The following FHIT variants were observed in gnomAD, a reference collection of about 807,000 sequenced individuals.
FHIT encodes bis(5'-adenosyl)-triphosphatase.
FHIT carries 19 observed loss-of-function variants against 17.9 expected under a neutral mutation model. The observed-to-expected ratio is 1.06, with a 90% confidence interval of 0.74 to 1.56. The LOEUF (loss-of-function observed/expected upper bound fraction) is 1.56, where lower values mean the gene tolerates loss of function less well. FHIT is among the 40% of genes most tolerant of loss of function. FHIT has a pLI of 0.00. For synonymous variants in FHIT, 81 were observed against 69.7 expected, an observed-to-expected ratio of 1.16 and a Z score of -0.81; for missense variants, 248 against 189.2, an observed-to-expected ratio of 1.31 and a Z score of -1.82.
At chr3:60,193,920 T>C (rs1323714130) in intron 5 of FHIT, among the ~76,000 whole-genome samples, 1 of 152,120 alleles carries the variant, frequency 6.6e-6, no homozygotes, top group African/African-American at 2.4e-5. Context: ...CGCTTTCCAA[T>C]CTAAAGAACT....
At chr3:60,955,251 T>A (rs1431762460) in intron 3 of FHIT, among the ~76,000 whole-genome samples, 1 of 152,112 alleles carries the variant, frequency 6.6e-6, no homozygotes, top group Non-Finnish European at 1.5e-5. Flanking sequence ...TACGGCCACA[T>A]GCAACCACAG....
intron 5 of FHIT, among the ~76,000 whole-genome samples, chr3:60,484,828 C>T (rs558575368): frequency 3.3e-5 from 5 of 152,202 alleles, no homozygotes; most frequent in African/African-American, 1.2e-4. Context: ...AACTAAAGAG[C>T]TTCTGTACAG....
chr3:60,557,220 C>G (rs553083099), intron 4 of FHIT, among the ~76,000 whole-genome samples: 2 of 152,110 alleles, frequency 1.3e-5, no homozygotes, highest in African/African-American at 4.8e-5. Flanking sequence ...CAAGTACACA[C>G]GGAAGCAAGT....
chr3:60,546,024 T>C (rs2036348222), intron 4 of FHIT, among the ~76,000 whole-genome samples: 1 of 152,210 alleles, frequency 6.6e-6, no homozygotes, highest in Non-Finnish European at 1.5e-5. Context: ...CCCTTGGTCT[T>C]CTTATTCCTT....
At chr3:59,922,541 T>G in intron 7 of FHIT, 127 bp from the exon 8 acceptor site, 1 of 742,288 alleles carries the variant, frequency 1.3e-6, no homozygotes, top group East Asian at 2.7e-5. Flanking sequence ...TCAGAGGAAG[T>G]TGATATCCAC....
chr3:59,837,619 G>T (rs1474748029), intron 8 of FHIT, among the ~76,000 whole-genome samples: 1 of 152,132 alleles, frequency 6.6e-6, no homozygotes, highest in African/African-American at 2.4e-5. Flanking sequence ...GTAAACAAAA[G>T]TTGAGAGAAC....
chr3:59,885,253 C>T (rs1257806709), intron 8 of FHIT, among the ~76,000 whole-genome samples: 1 of 152,126 alleles, frequency 6.6e-6, no homozygotes, highest in Non-Finnish European at 1.5e-5. Flanking sequence ...ATCACAGCTT[C>T]ATCATGGTTC....
intron 5 of FHIT, among the ~76,000 whole-genome samples, chr3:60,417,050 C>T (rs1702276918): frequency 6.6e-6 from 1 of 150,456 alleles, no homozygotes; most frequent in South Asian, 2.1e-4. Flanking sequence ...GATCGCACCA[C>T]TGCACTCCAG....
chr3:60,688,426 G>GTT lies in FHIT; in HGVS notation c.-18+133491_-18+133492dup, dbSNP rs1395823139. Among the ~76,000 whole-genome samples the GTT allele has an allele frequency of 1.0e-3, 134 of 133,524 alleles. 1 individual carries two copies. Among genetic ancestry groups the GTT allele is most frequent in the African/African-American group, 3.7e-3 (125 of 33,958 alleles). 87.6% of individuals were successfully genotyped at this position (133,524 alleles called of 152,430 possible). A position where few individuals can be genotyped will look rare whatever the true frequency, so the allele number is the denominator to read the frequency against. ...ACTATTTGGTCAAATTATGTTTTGT[G>GTT]TTTTTTTTTTTGTTTTTTTTTTTAG... On this transcript the variant is annotated intron_variant, in intron 4 of 9. Coordinates refer to ENST00000492590, the MANE Select transcript of FHIT (RefSeq NM_002012.4).
intron 3 of FHIT, among the ~76,000 whole-genome samples, chr3:61,040,177 T>C (rs1437619812): frequency 6.6e-6 from 1 of 152,204 alleles, no homozygotes; most frequent in Non-Finnish European, 1.5e-5. Flanking sequence ...AGAAAGCAAA[T>C]GTAAAAGTTA....
rs548087191 is a variant in FHIT, at chr3:60,272,391, G to C, written c.104-258239C>G. ...TTAAATTATATAGAAGATCTGCAAA[G>C]GCAGAGATAGAGACCAGATTATAGT... On this transcript the variant is annotated intron_variant, in intron 5 of 9. Coordinates refer to ENST00000492590, the MANE Select transcript of FHIT (RefSeq NM_002012.4). 7.2e-5 allele frequency among the ~76,000 whole-genome samples: 11 copies of C among 152,262 alleles called. No homozygotes were observed. The East Asian group carries it at 2.1e-3, about 29-fold the overall frequency.
intron 5 of FHIT, among the ~76,000 whole-genome samples, chr3:60,528,635 A>C (rs977462552): frequency 3.3e-5 from 5 of 152,244 alleles, no homozygotes; most frequent in African/African-American, 1.2e-4. Context: ...AACAAAGAAC[A>C]TGCTTGGTCT....
intron 7 of FHIT, among the ~76,000 whole-genome samples, chr3:59,990,812 G>A (rs1452261189): frequency 6.6e-6 from 1 of 151,970 alleles, no homozygotes; most frequent in Non-Finnish European, 1.5e-5. Context: ...TTAGAACAGA[G>A]GCAAGACTGC....
At chr3:60,115,964 T>G (rs1286358547) in intron 5 of FHIT, among the ~76,000 whole-genome samples, 1 of 152,182 alleles carries the variant, frequency 6.6e-6, no homozygotes, top group African/African-American at 2.4e-5. Context: ...AGATGAGAAG[T>G]TGAATTAATG....
chr3:60,960,344 T>C (rs1553780338), intron 3 of FHIT, among the ~76,000 whole-genome samples: 2 of 152,208 alleles, frequency 1.3e-5, no homozygotes, highest in African/African-American at 4.8e-5. Context: ...TTGCTCTTGG[T>C]TGGACTCTAA....
intron 8 of FHIT, among the ~76,000 whole-genome samples, chr3:59,867,992 A>G (rs958741902): frequency 1.4e-5 from 2 of 142,240 alleles, no homozygotes; most frequent in African/African-American, 5.4e-5. Flanking sequence ...CTCTTAGCTA[A>G]TGTTCTTTTG....
chr3:60,445,788 C>CAA lies in FHIT; in HGVS notation c.103+91070_103+91071dup, dbSNP rs36014753. Among the ~76,000 whole-genome samples the CAA allele has an allele frequency of 6.2e-4, 88 of 143,040 alleles. 1 individual carries two copies. The highest frequency in any genetic ancestry group is 3.6e-3 in the Middle Eastern group (1 of 274). The allele number at this position is 143,040 out of a possible 152,430, so 93.8% of individuals were successfully genotyped here. ...TTCACCAAACTAGCAAACTTTAAAG[C>CAA]AAAAAAAAAAAAATCATCCATTTCT... On this transcript the variant is annotated intron_variant, in intron 5 of 9. Coordinates refer to ENST00000492590, the MANE Select transcript of FHIT (RefSeq NM_002012.4).
intron 5 of FHIT, among the ~76,000 whole-genome samples, chr3:60,375,465 T>C (rs1009494276): frequency 2.6e-5 from 4 of 151,614 alleles, no homozygotes; most frequent in East Asian, 3.9e-4. Context: ...ACCCCAGCTA[T>C]TCAGGAGGCT....
At chr3:61,233,330 C>A (rs1297808458) in intron 1 of FHIT, among the ~76,000 whole-genome samples, 2 of 152,022 alleles carry the variant, frequency 1.3e-5, no homozygotes, top group African/African-American at 2.4e-5. Context: ...AATAAAGAAC[C>A]AGTGAAGGAA....
Sources: allele counts gnomAD v4.1 joint callset (sites outside exome capture counted in the v4.1 genomes callset), GRCh38; gene constraint gnomAD v4.1.1; transcripts MANE v1.5; gene names NCBI Gene and HGNC (gene_info 2026-07-23, HGNC 2026-07-21).